MMS22L: variants seen among roughly 807,000 people sequenced by gnomAD.
The protein encoded by MMS22L is protein MMS22-like.
In MMS22L, 74 loss-of-function variants were observed where a neutral mutation model predicts 159.1. That is an observed-to-expected ratio of 0.47 (90% CI 0.39 to 0.56). The LOEUF is 0.56. Ranked by LOEUF, MMS22L falls within the 20% of genes least tolerant of loss-of-function variation. MMS22L has a pLI of 0.00. For missense variants in MMS22L, 1,351 were observed against 1,422.1 expected, an observed-to-expected ratio of 0.95 and a Z score of 0.80; for synonymous variants, 517 against 506.9, an observed-to-expected ratio of 1.02 and a Z score of -0.27.
At chr6:97,157,714 G>A (rs949267297) in intron 22 of MMS22L, among the ~76,000 whole-genome samples, 4 of 152,186 alleles carry the variant, frequency 2.6e-5, no homozygotes, top group South Asian at 2.1e-4. Flanking sequence ...TGCTGGCTTC[G>A]GTTTGCCAGT....
At chr6:97,202,462 G>T (rs548535781) in intron 14 of MMS22L, among the ~76,000 whole-genome samples, 2 of 152,218 alleles carry the variant, frequency 1.3e-5, no homozygotes, top group African/African-American at 4.8e-5. Context: ...ATTATGGGAG[G>T]GATCCTATGC....
chr6:97,241,095 A>T (rs989141756), intron 11 of MMS22L, among the ~76,000 whole-genome samples: 2 of 152,238 alleles, frequency 1.3e-5, no homozygotes, highest in Non-Finnish European at 2.9e-5. Flanking sequence ...TGTCACTAAG[A>T]ATAATGGTCT....
In MMS22L at chr6:97,278,857, C is replaced by G; in HGVS notation, c.332G>C (p.Cys111Ser). Residue 111 changes from cysteine to serine, a missense_variant, in exon 4 of 25, where the codon TGT becomes TCT. By Grantham distance (112) the Cys-to-Ser change is moderately radical. Coordinates refer to ENST00000683635, the MANE Select transcript of MMS22L (RefSeq NM_001350599.2). Reference protein sequence around the residue: ...YNLETLLQSSCDFGKVSTLHC... With the variant: ...YNLETLLQSSSDFGKVSTLHC... The stretch of plus-strand genomic sequence containing the variant: ...ACACACCTTAAACTTACCAAAATCA[C>G]AACTGGACTGTAACAAGGTTTCCAA... 1 of 1,613,092 alleles carries G rather than the reference C, an allele frequency of 6.2e-7. No homozygotes were observed. The highest frequency in any genetic ancestry group is 2.2e-5 in the East Asian group (1 of 44,816).
rs1815883259 is a variant in MMS22L at position 97,272,844 on chromosome 6, C to A, written c.466G>T (p.Val156Phe). ...KVQNAESHVP[V>F]HPYEALEAQL... ...GCCTCCAAAGCCTCATAAGGATGGA[C>A]AGGAACATGACTCTCAGCATTCTGT... Residue 156 changes from valine (V) to phenylalanine (F), a missense_variant, in exon 6 of 25, where the codon GTC (valine) becomes TTC (phenylalanine). By Grantham distance (50) the Val-to-Phe change is conservative (BLOSUM62 -1). Coordinates refer to ENST00000683635, the MANE Select transcript of MMS22L (RefSeq NM_001350599.2). The A allele has an allele frequency of 1.9e-6, 3 of 1,613,852 alleles. No individual in the cohort carries two copies. The highest frequency in any genetic ancestry group is 2.5e-6 in the Non-Finnish European group (3 of 1,179,940).
intron 13 of MMS22L, chr6:97,231,210 A>G: frequency 2.0e-6 from 1 of 490,178 alleles, no homozygotes; most frequent in Non-Finnish European, 3.7e-6. Context: ...CTGGGCTCAA[A>G]GAACACAAAA....
chr6:97,257,628 C>G (rs1813966902), intron 9 of MMS22L, among the ~76,000 whole-genome samples: 3 of 152,134 alleles, frequency 2.0e-5, no homozygotes, highest in Admixed American at 2.0e-4. Context: ...AAGATTACGT[C>G]TCTATGTTGC....
chr6:97,206,134 T>C (rs569603270), intron 14 of MMS22L, among the ~76,000 whole-genome samples: 2 of 152,170 alleles, frequency 1.3e-5, no homozygotes, highest in Non-Finnish European at 2.9e-5. Context: ...TATGTGCAAA[T>C]GAGTGCCCTC....
At chr6:97,231,198 C>T (rs888640101) in intron 13 of MMS22L, 6 of 454,774 alleles carry the variant, frequency 1.3e-5, no homozygotes, top group Non-Finnish European at 2.0e-5. Context: ...GCTTGTGAAC[C>T]GCTGGGCTCA....
Position 97,142,281 on chromosome 6 carries a change from A to G in MMS22L, c.*4525T>C, listed in dbSNP as rs1479902966. 6.6e-6 allele frequency: 1 copy of G among 152,376 alleles called. No homozygotes were observed. The highest frequency in any genetic ancestry group is 1.5e-5 in the Non-Finnish European group (1 of 67,884). 9.4% of individuals were successfully genotyped at this position (152,376 alleles called of 1,614,324 possible). A position where few individuals can be genotyped will look rare whatever the true frequency, so the allele number is the denominator to read the frequency against. On this transcript the variant is annotated 3_prime_UTR_variant, in exon 25 of 25. Transcript: ENST00000683635. ...TCTAAAAGCACAATTCACAAATGCA[A>G]TGAATTGGATAGCCATTGGCACATC...
chr6:97,150,049 T>C (rs775201057), intron 23 of MMS22L, 29 bp from the exon 24 acceptor site: 3 of 1,598,504 alleles, frequency 1.9e-6, no homozygotes, highest in African/African-American at 2.7e-5. Flanking sequence ...TATTTAGGAT[T>C]ACTCCTGGGG....
chr6:97,228,865 A>G (rs948760878), intron 14 of MMS22L, 29 bp downstream of exon 14: 33 of 1,559,660 alleles, frequency 2.1e-5, no homozygotes, highest in Non-Finnish European at 2.5e-5. Flanking sequence ...AAAACAAATC[A>G]TAAATTAGCA....
chr6:97,190,312 T>C (rs564431616), intron 14 of MMS22L, among the ~76,000 whole-genome samples: 7 of 152,244 alleles, frequency 4.6e-5, no homozygotes, highest in African/African-American at 1.7e-4. Context: ...ATTTTTTGCA[T>C]AAAAGGAAAA....
At chr6:97,263,470 T>A (rs1345651883) in intron 8 of MMS22L, 22 bp from the exon 9 acceptor site, 1 of 1,306,456 alleles carries the variant, frequency 7.7e-7, no homozygotes, top group Admixed American at 2.6e-5. Flanking sequence ...AACCAAAATG[T>A]GTTATTTATA....
At chr6:97,147,014 T>G in intron 24 of MMS22L, 127 bp from the exon 25 acceptor site, 1 of 593,782 alleles carries the variant, frequency 1.7e-6, no homozygotes, top group Non-Finnish European at 2.9e-6. Context: ...CCAGCAGGCT[T>G]AGCACAACAC....
At chr6:97,166,846 C>T (rs950527600) in intron 20 of MMS22L, among the ~76,000 whole-genome samples, 4 of 152,080 alleles carry the variant, frequency 2.6e-5, no homozygotes, top group African/African-American at 7.2e-5. Context: ...GTGGGATTGG[C>T]GGTTCAGGCT....
intron 14 of MMS22L, among the ~76,000 whole-genome samples, chr6:97,217,643 G>T (rs1809164050): frequency 6.6e-6 from 1 of 152,138 alleles, no homozygotes; most frequent in Non-Finnish European, 1.5e-5. Flanking sequence ...CTCTGACCTA[G>T]ATTACAACTA....
rs572411226 is a variant in MMS22L at position 97,148,045 on chromosome 6, T to C, written c.3651-1158A>G. Among the ~76,000 whole-genome samples the C allele has an allele frequency of 2.0e-5, 3 of 152,306 alleles. No homozygotes were observed. The South Asian group carries it at 6.2e-4, about 32-fold the overall frequency. ...ACTACATTAAAAACATTTTGGTCAATGATGGGCTGCATTTTGGTCAATGAT... is the reference window on the plus strand; with the variant it reads ...ACTACATTAAAAACATTTTGGTCAACGATGGGCTGCATTTTGGTCAATGAT... On this transcript the variant is annotated intron_variant, in intron 24 of 24. Coordinates refer to ENST00000683635, the MANE Select transcript of MMS22L (RefSeq NM_001350599.2).
chr6:97,228,469 G>T (rs1441320566), intron 14 of MMS22L, among the ~76,000 whole-genome samples: 1 of 152,154 alleles, frequency 6.6e-6, no homozygotes, highest in Non-Finnish European at 1.5e-5. Context: ...GTGGAAAATT[G>T]TATCTGGCCT....
At chr6:97,189,614 G>T (rs1805659001) in intron 14 of MMS22L, among the ~76,000 whole-genome samples, 4 of 144,944 alleles carry the variant, frequency 2.8e-5, no homozygotes, top group Non-Finnish European at 1.5e-5. Context: ...CCATTGTGAG[G>T]TAAAAAATTT....
Sources: allele counts gnomAD v4.1 joint callset (sites outside exome capture counted in the v4.1 genomes callset), GRCh38; gene constraint gnomAD v4.1.1; transcripts MANE v1.5; gene names NCBI Gene and HGNC (gene_info 2026-07-23, HGNC 2026-07-21).